CNTNAP2: variants seen among roughly 807,000 people sequenced by gnomAD.
The protein encoded by CNTNAP2 is contactin-associated protein-like 2.
Under a neutral mutation model 155.2 loss-of-function variants are expected in CNTNAP2, and 98 were observed. The observed-to-expected ratio is 0.63, with a 90% CI of 0.54 to 0.75. The LOEUF (loss-of-function observed/expected upper bound fraction) is 0.75, where lower values mean the gene tolerates loss of function less well. CNTNAP2 is among the 30% of genes least tolerant of loss of function. CNTNAP2 has a pLI of 0.00. For synonymous variants in CNTNAP2, 651 were observed against 631.2 expected (o/e 1.03, Z -0.47); for missense variants, 1,727 against 1,688.1 (o/e 1.02, Z -0.40).
intron 15 of CNTNAP2, among the ~76,000 whole-genome samples, chr7:148,114,594 G>T (rs911626662): frequency 6.6e-6 from 1 of 152,062 alleles, no homozygotes; most frequent in African/African-American, 2.4e-5. Context: ...ATATAATCTT[G>T]TTATAATAAA....
At position 147,513,535 on chromosome 7, in the gene CNTNAP2, A is replaced by G. The variant is rs138267539; in HGVS notation, c.1777+27494A>G. 3.2e-4 allele frequency among the ~76,000 whole-genome samples: 48 copies of G among 152,362 alleles called. 2 individuals are homozygous for G. The East Asian group carries it at 9.3e-3, about 29-fold the overall frequency. ...TAAAAGGAGGCAACACATGTTGATTATAAAGCCTTCCATGTATGTGAAGGA... is the reference window on the plus strand; with the variant it reads ...TAAAAGGAGGCAACACATGTTGATTGTAAAGCCTTCCATGTATGTGAAGGA... On this transcript the variant is annotated intron_variant, in intron 11 of 23. Coordinates refer to ENST00000361727, the MANE Select transcript of CNTNAP2 (RefSeq NM_014141.6).
intron 1 of CNTNAP2, among the ~76,000 whole-genome samples, chr7:146,124,695 G>A (rs1310463197): frequency 6.6e-6 from 1 of 152,052 alleles, no homozygotes; most frequent in African/African-American, 2.4e-5. Flanking sequence ...TGACTATCAG[G>A]TTTTCAGATT....
chr7:148,209,787 G>A (rs1479384016), intron 18 of CNTNAP2, among the ~76,000 whole-genome samples: 1 of 152,140 alleles, frequency 6.6e-6, no homozygotes, highest in Non-Finnish European at 1.5e-5. Context: ...GTTGCTTTCT[G>A]TGTAAAAACC....
At chr7:147,083,677 TTATA>T (rs969099676) in intron 4 of CNTNAP2, among the ~76,000 whole-genome samples, 32 of 136,384 alleles carry the variant, frequency 2.3e-4, no homozygotes, top group Non-Finnish European at 4.2e-4. Flanking sequence ...ATAATACATA[TTATA>T]TATGATACAT....
chr7:148,005,726 T>A (rs1801964925), intron 15 of CNTNAP2, among the ~76,000 whole-genome samples: 1 of 152,186 alleles, frequency 6.6e-6, no homozygotes, highest in African/African-American at 2.4e-5. Context: ...GACTTTATCA[T>A]AAATTGGCCC....
intron 15 of CNTNAP2, among the ~76,000 whole-genome samples, chr7:147,995,408 A>G (rs897875358): frequency 4.6e-5 from 7 of 151,994 alleles, no homozygotes; most frequent in Non-Finnish European, 8.8e-5. Flanking sequence ...TCCCTTCCAT[A>G]GAAGTATTAA....
chr7:147,448,013 T>C (rs1173006836), intron 10 of CNTNAP2, among the ~76,000 whole-genome samples: 1 of 152,114 alleles, frequency 6.6e-6, no homozygotes, highest in Admixed American at 6.5e-5. Flanking sequence ...TGATCATGCA[T>C]AGCTCCTAAA....
chr7:147,024,450 G>A (rs75318376), intron 3 of CNTNAP2, among the ~76,000 whole-genome samples: 8,618 of 152,230 alleles, frequency 0.057, 331 homozygotes, highest in Middle Eastern at 0.13. Flanking sequence ...GTTATTATTG[G>A]AGGAAACGGG....
chr7:148,015,189 T>G (rs1475880286), intron 15 of CNTNAP2, among the ~76,000 whole-genome samples: 1 of 152,210 alleles, frequency 6.6e-6, no homozygotes, highest in Non-Finnish European at 1.5e-5. Context: ...TCCCCTTTAA[T>G]TTGCAGAACA....
At chr7:148,247,643 A>ATTTTTTTTTTTTTTT (rs1563010572) in intron 20 of CNTNAP2, among the ~76,000 whole-genome samples, 1 of 129,720 alleles carries the variant, frequency 7.7e-6, no homozygotes, top group African/African-American at 3.1e-5. Flanking sequence ...TTATTTATTT[A>ATTTTTTTTTTTTTTT]TTTATTTATT....
chr7:147,860,432 C>A (rs184956724), intron 13 of CNTNAP2, among the ~76,000 whole-genome samples: 301 of 150,876 alleles, frequency 2.0e-3, no homozygotes, highest in African/African-American at 7.0e-3. Flanking sequence ...TCAACAACAA[C>A]AAAAAAAATT....
At chr7:147,384,227 A>C (rs1442770812) in intron 9 of CNTNAP2, among the ~76,000 whole-genome samples, 1 of 152,214 alleles carries the variant, frequency 6.6e-6, no homozygotes, top group Non-Finnish European at 1.5e-5. Flanking sequence ...ACATGGCAGA[A>C]CTATTGCTAA....
At chr7:148,407,327 A>G (rs566616335) in intron 22 of CNTNAP2, among the ~76,000 whole-genome samples, 1 of 152,318 alleles carries the variant, frequency 6.6e-6, no homozygotes, top group African/African-American at 2.4e-5. Context: ...GAAATGGGAA[A>G]GTGAGCTGAT....
chr7:147,380,884 T>C (rs936890860), intron 9 of CNTNAP2, among the ~76,000 whole-genome samples: 1 of 152,188 alleles, frequency 6.6e-6, no homozygotes, highest in African/African-American at 2.4e-5. Context: ...TACTAATTTT[T>C]TTAATAGCAG....
At chr7:148,299,434 A>G (rs1463720725) in intron 21 of CNTNAP2, among the ~76,000 whole-genome samples, 1 of 152,276 alleles carries the variant, frequency 6.6e-6, no homozygotes, top group Admixed American at 6.5e-5. Context: ...CTGATGAGCC[A>G]GGAAGGCTGG....
chr7:146,717,446 G>A (rs1290364635), intron 1 of CNTNAP2, among the ~76,000 whole-genome samples: 1 of 151,872 alleles, frequency 6.6e-6, no homozygotes, highest in Non-Finnish European at 1.5e-5. Context: ...CCTGGGAGGT[G>A]GAGGTTGCAG....
chr7:146,558,751 C>G (rs978222735), intron 1 of CNTNAP2, among the ~76,000 whole-genome samples: 1 of 152,196 alleles, frequency 6.6e-6, no homozygotes, highest in African/African-American at 2.4e-5. Context: ...CTAACACTAT[C>G]TTCTCCCATA....
chr7:147,399,442 T>C (rs545202428), intron 10 of CNTNAP2, among the ~76,000 whole-genome samples: 1 of 152,250 alleles, frequency 6.6e-6, no homozygotes, highest in South Asian at 2.1e-4. Context: ...ATTCTGAATA[T>C]ATTTTGGAGG....
In CNTNAP2 at chr7:148,418,506, A is replaced by G. The variant is rs1390666296; in HGVS notation, c.*2890A>G. On this transcript the variant is annotated 3_prime_UTR_variant, in exon 24 of 24. Coordinates refer to ENST00000361727, the MANE Select transcript of CNTNAP2 (RefSeq NM_014141.6). ...GTTGGTGGCTGATTTAAAGTTGTGC[A>G]GGAAACATCTTCTGTGTATGAAGCA... The G allele has an allele frequency of 9.3e-5, 14 of 150,304 alleles. No homozygotes were observed. Among genetic ancestry groups the G allele is most frequent in the Non-Finnish European group, 4.4e-5 (3 of 67,766 alleles). The allele number at this position is 150,304 out of a possible 1,614,324, so 9.3% of individuals were successfully genotyped here.
Sources: gnomAD v4.1 joint callset for allele counts (sites outside exome capture counted in the v4.1 genomes callset) on GRCh38, gnomAD v4.1.1 for gene constraint, MANE v1.5 for transcripts, NCBI Gene and HGNC (gene_info 2026-07-23, HGNC 2026-07-21) for gene names.